The following TENM3 variants were observed in gnomAD, a reference collection of about 807,000 sequenced individuals.
TENM3 encodes the protein teneurin-3.
Under a neutral mutation model 255.1 loss-of-function variants are expected in TENM3, and 63 were observed. The ratio of observed to expected loss-of-function variants is 0.25; its 90% CI spans 0.20 to 0.30. TENM3 has a LOEUF of 0.30. TENM3 is among the 10% of genes least tolerant of loss of function. TENM3 has a pLI of 1.00. For missense variants in TENM3, 2,929 were observed against 3,461.1 expected (o/e 0.85, Z 3.86); for synonymous variants, 1,306 against 1,322.3 (o/e 0.99, Z 0.27).
At position 182,347,185 on chromosome 4, in the gene TENM3, A is replaced by G. The variant is rs73011427; in HGVS notation, c.511+256A>G. On this transcript the variant is annotated intron_variant, in intron 3 of 27. Transcript: ENST00000511685. ...GCAAGCAGTCTACAATGTTTTGGCT[A>G]TAGTTTTGAAAAACAGGTTAATCAT... Among the ~76,000 whole-genome samples, 1,150 of 152,256 alleles carry G rather than the reference A, an allele frequency of 7.6e-3. 11 individuals are homozygous for G. Among genetic ancestry groups the G allele is most frequent in the African/African-American group, 0.026 (1,095 of 41,548 alleles).
At chr4:181,752,849 GA>G in the TENM3 span, among the ~76,000 whole-genome samples, 152 of 145,582 alleles carry the variant, frequency 1.0e-3, 2 homozygotes, top group East Asian at 0.013. Flanking sequence ...AAGGAGTACT[GA>G]AAAAAAAAAG....
intron 1 of TENM3, among the ~76,000 whole-genome samples, chr4:182,277,469 A>C (rs1440727331): frequency 6.6e-6 from 1 of 152,150 alleles, no homozygotes; most frequent in African/African-American, 2.4e-5. Flanking sequence ...TATACACTAC[A>C]TTTTGGGCTG....
chr4:182,662,386 C>A (rs1754299066), intron 6 of TENM3, among the ~76,000 whole-genome samples: 1 of 152,298 alleles, frequency 6.6e-6, no homozygotes, highest in Non-Finnish European at 1.5e-5. Flanking sequence ...AGATGATACC[C>A]TATTGTGTTT....
chr4:182,354,453 T>G (rs1765389431), intron 3 of TENM3, among the ~76,000 whole-genome samples: 1 of 152,130 alleles, frequency 6.6e-6, no homozygotes, highest in Non-Finnish European at 1.5e-5. Context: ...ATAGAAAAAA[T>G]AAGTGTTAGA....
chr4:181,927,245 C>T, the TENM3 span, among the ~76,000 whole-genome samples: 311 of 152,350 alleles, frequency 2.0e-3, 2 homozygotes, highest in African/African-American at 7.1e-3. Context: ...CCCACCCTCA[C>T]GGAACCCAGC....
intron 1 of TENM3, among the ~76,000 whole-genome samples, chr4:182,247,232 G>T (rs1329182881): frequency 6.6e-6 from 1 of 152,166 alleles, no homozygotes; most frequent in Non-Finnish European, 1.5e-5. Flanking sequence ...ACATATAGAG[G>T]TGGATACCAG....
At chr4:181,689,092 A>C in the TENM3 span, among the ~76,000 whole-genome samples, 1,027 of 152,356 alleles carry the variant, frequency 6.7e-3, 5 homozygotes, top group Middle Eastern at 0.02. Context: ...TGAGGAGTGA[A>C]TCAATGACTA....
At chr4:181,600,855 C>A in the TENM3 span, among the ~76,000 whole-genome samples, 29 of 150,784 alleles carry the variant, frequency 1.9e-4, no homozygotes, top group Admixed American at 8.6e-4. Flanking sequence ...AAAAAAAAAA[C>A]AAAGCTTGAC....
At chr4:181,618,309 C>G in the TENM3 span, among the ~76,000 whole-genome samples, 1 of 152,140 alleles carries the variant, frequency 6.6e-6, no homozygotes, top group South Asian at 2.1e-4. Flanking sequence ...TAGCTGTGTC[C>G]GCTCTGCAGC....
intron 3 of TENM3, among the ~76,000 whole-genome samples, chr4:182,481,830 A>C (rs965209814): frequency 6.6e-6 from 1 of 152,188 alleles, no homozygotes; most frequent in Non-Finnish European, 1.5e-5. Flanking sequence ...AATAAAATAC[A>C]ATACAATTAT....
At chr4:181,473,415 C>T in the TENM3 span, among the ~76,000 whole-genome samples, 1 of 151,788 alleles carries the variant, frequency 6.6e-6, no homozygotes, top group Non-Finnish European at 1.5e-5. Context: ...TAGGGAGAAC[C>T]CATCTCTACA....
chr4:182,281,305 A>G (rs2150272198), intron 1 of TENM3, among the ~76,000 whole-genome samples: 1 of 152,348 alleles, frequency 6.6e-6, no homozygotes, highest in Middle Eastern at 3.4e-3. Flanking sequence ...TCACTTTAAT[A>G]ACAGATATAT....
chr4:182,397,945 A>C (rs2151014126), intron 3 of TENM3, among the ~76,000 whole-genome samples: 1 of 152,318 alleles, frequency 6.6e-6, no homozygotes, highest in African/African-American at 2.4e-5. Context: ...TGATTTCATT[A>C]GGTTCTTACA....
At chr4:181,953,258 C>A in the TENM3 span, among the ~76,000 whole-genome samples, 2 of 71,110 alleles carry the variant, frequency 2.8e-5, no homozygotes, top group Non-Finnish European at 6.3e-5. Flanking sequence ...ATGATGGCCA[C>A]CACCACCACC....
the TENM3 span, among the ~76,000 whole-genome samples, chr4:181,448,365 G>T: frequency 6.7e-6 from 1 of 150,140 alleles, no homozygotes; most frequent in African/African-American, 2.4e-5. Flanking sequence ...TAGAGACGGG[G>T]TTTCACCGTT....
chr4:182,255,232 C>A (rs1380486934), intron 1 of TENM3, among the ~76,000 whole-genome samples: 1 of 152,064 alleles, frequency 6.6e-6, no homozygotes, highest in Non-Finnish European at 1.5e-5. Flanking sequence ...ATCGGAGAAG[C>A]CTTCTAACAC....
the TENM3 span, among the ~76,000 whole-genome samples, chr4:182,029,882 C>A: frequency 7.0e-6 from 1 of 143,296 alleles, no homozygotes; most frequent in East Asian, 1.9e-4. Flanking sequence ...CAATATCCAA[C>A]AACTGCTAAC....
the TENM3 span, among the ~76,000 whole-genome samples, chr4:181,658,545 A>G: frequency 2.0e-5 from 3 of 152,182 alleles, no homozygotes; most frequent in African/African-American, 7.2e-5. Flanking sequence ...AATGCTAGTC[A>G]TGCTTCATAG....
intron 1 of TENM3, among the ~76,000 whole-genome samples, chr4:182,218,421 G>A (rs937465068): frequency 9.2e-5 from 14 of 152,134 alleles, no homozygotes; most frequent in African/African-American, 2.9e-4. Context: ...AACTTCCTGG[G>A]TGTTAGTAAT....
Sources: gnomAD v4.1 joint callset for allele counts (sites outside exome capture counted in the v4.1 genomes callset) on GRCh38, gnomAD v4.1.1 for gene constraint, MANE v1.5 for transcripts, NCBI Gene and HGNC (gene_info 2026-07-23, HGNC 2026-07-21) for gene names.